ST6GAL1: variants seen among roughly 807,000 people sequenced by gnomAD.
ST6GAL1 encodes the protein ST6 beta-galactoside alpha-2,6-sialyltransferase 1.
A neutral mutation model predicts 38.0 loss-of-function variants in ST6GAL1; 20 were observed. The observed-to-expected ratio is 0.53, with a 90% confidence interval of 0.37 to 0.77. The LOEUF (loss-of-function observed/expected upper bound fraction) is 0.77, where lower values mean the gene tolerates loss of function less well. Among genes scored for constraint, ST6GAL1 ranks in the 30% least tolerant of loss-of-function variants. The pLI, the probability that ST6GAL1 is intolerant of heterozygous loss-of-function variation, is 0.00. For synonymous variants in ST6GAL1, 196 were observed against 188.2 expected (o/e 1.04, Z -0.34); for missense variants, 432 against 496.4 (o/e 0.87, Z 1.23).
At chr3:186,942,186 A>C (rs1315832470) in intron 1 of ST6GAL1, among the ~76,000 whole-genome samples, 3 of 152,154 alleles carry the variant, frequency 2.0e-5, no homozygotes, top group African/African-American at 7.2e-5. Context: ...AGTTATAGAC[A>C]ATGTAGTGAA....
At chr3:187,072,530 C>G (rs567804101) in intron 5 of ST6GAL1, 3 of 361,008 alleles carry the variant, frequency 8.3e-6, no homozygotes, top group South Asian at 6.8e-5. Context: ...TTGTGACCAC[C>G]ACACAAGCTG....
rs1431652163 is a variant in ST6GAL1, at chr3:187,038,746, G to A, written c.-178G>A. The A allele has an allele frequency of 6.6e-6, 1 of 152,228 alleles. No individual in the cohort carries two copies. The highest frequency in any genetic ancestry group is 2.4e-5 in the African/African-American group (1 of 41,444). 9.4% of individuals were successfully genotyped at this position (152,228 alleles called of 1,614,324 possible). A position where few individuals can be genotyped will look rare whatever the true frequency, so the allele number is the denominator to read the frequency against. ...TCTTATTTTTTGCCTTTGCAGATGA[G>A]TTTTGATCATCCTGAGAAAAATGGG... On this transcript the variant is annotated 5_prime_UTR_variant, in exon 3 of 8. Transcript: ENST00000169298.
At chr3:187,051,689 A>G in intron 5 of ST6GAL1, 1 of 276,820 alleles carries the variant, frequency 3.6e-6, no homozygotes, top group Non-Finnish European at 7.2e-6. Context: ...AGTGTTGTGA[A>G]AAGTGAATGA....
intron 2 of ST6GAL1, among the ~76,000 whole-genome samples, chr3:187,030,952 C>T (rs1560168996): frequency 1.3e-5 from 2 of 152,090 alleles, no homozygotes; most frequent in Admixed American, 1.3e-4. Flanking sequence ...GAGGGAGTGG[C>T]TGTAGCAATT....
intron 4 of ST6GAL1, among the ~76,000 whole-genome samples, chr3:187,046,804 C>A (rs1383617404): frequency 6.6e-6 from 1 of 152,164 alleles, no homozygotes; most frequent in Non-Finnish European, 1.5e-5. Flanking sequence ...CTTTGAGGGC[C>A]ATGATGTCTG....
rs763013682 is a variant in ST6GAL1, at chr3:187,067,081, C to CTTTTTTT, written c.706-5748_706-5742dup. Among the ~76,000 whole-genome samples, 86 of 93,060 alleles carry CTTTTTTT rather than the reference C, an allele frequency of 9.2e-4. 6 individuals are homozygous for CTTTTTTT. The highest frequency in any genetic ancestry group is 2.6e-3 in the South Asian group (6 of 2,326). 61.1% of individuals were successfully genotyped at this position (93,060 alleles called of 152,430 possible). On this transcript the variant is annotated intron_variant, in intron 5 of 7. Coordinates refer to ENST00000169298, the MANE Select transcript of ST6GAL1 (RefSeq NM_173216.2). ...GCAATCTTCTTTTCTTTCTTTCTTTCTTTTTTTTTTTTTTTTTTTTTTTTT... is the reference window on the plus strand; with the variant it reads ...GCAATCTTCTTTTCTTTCTTTCTTTCTTTTTTTTTTTTTTTTTTTTTTTTTTTTTTTT...
chr3:187,005,521 C>T (rs1340358621), intron 2 of ST6GAL1, among the ~76,000 whole-genome samples: 10 of 151,934 alleles, frequency 6.6e-5, no homozygotes, highest in South Asian at 2.1e-4. Flanking sequence ...GTGATCTGCC[C>T]GCCTCGGCCT....
rs117081013 is a variant in ST6GAL1 at position 187,022,199 on chromosome 3, T to C, written c.-182-16543T>C. Among the ~76,000 whole-genome samples the C allele has an allele frequency of 4.3e-3, 660 of 152,258 alleles. 17 individuals are homozygous for C. In the East Asian group the frequency reaches 0.064, roughly 15 times the overall value. ...TCTGACACTATTTCCAGGTAGATAGTGTTGGAACTGAATTAGAGGACACCA... is the reference window on the plus strand; with the variant it reads ...TCTGACACTATTTCCAGGTAGATAGCGTTGGAACTGAATTAGAGGACACCA... On this transcript the variant is annotated intron_variant, in intron 2 of 7. Transcript: ENST00000169298.
At chr3:187,048,529 C>T (rs1718386144) in intron 4 of ST6GAL1, among the ~76,000 whole-genome samples, 1 of 152,158 alleles carries the variant, frequency 6.6e-6, no homozygotes, top group Non-Finnish European at 1.5e-5. Context: ...GTGTCTCTGG[C>T]ACACAGCTCA....
rs542069579 is a variant in ST6GAL1, at chr3:186,944,909, C to A, written c.-325+14075C>A. On this transcript the variant is annotated intron_variant, in intron 1 of 7. Transcript: ENST00000169298. Reference sequence around the variant, plus strand: ...AAGTCTCCAGCTGAGAGGCCATATGCCTTCTTAAAACTCAGTTTTGGGGAA... The same window carrying A: ...AAGTCTCCAGCTGAGAGGCCATATGACTTCTTAAAACTCAGTTTTGGGGAA... Among the ~76,000 whole-genome samples, 4 of 152,300 alleles carry A rather than the reference C, an allele frequency of 2.6e-5. No individual in the cohort carries two copies. In the East Asian group the frequency reaches 7.7e-4, roughly 29 times the overall value.
chr3:186,930,941 G>C (rs918206884), intron 1 of ST6GAL1, 107 bp downstream of exon 1: 1 of 153,210 alleles, frequency 6.5e-6, no homozygotes, highest in African/African-American at 2.4e-5. Flanking sequence ...CGCGGCGCGC[G>C]TAGGGCGCAG....
intron 2 of ST6GAL1, among the ~76,000 whole-genome samples, chr3:186,990,922 G>A (rs1237816058): frequency 6.6e-6 from 1 of 151,964 alleles, no homozygotes; most frequent in Admixed American, 6.6e-5. Flanking sequence ...ATGCTTGTCC[G>A]CCTCCCCACC....
In ST6GAL1 at chr3:187,076,470, C is replaced by G. The variant is rs1412589522; in HGVS notation, c.*667C>G. 5.3e-6 allele frequency: 1 copy of G among 188,726 alleles called. No homozygotes were observed. Among genetic ancestry groups the G allele is most frequent in the African/African-American group, 2.3e-5 (1 of 42,776 alleles). 11.7% of individuals were successfully genotyped at this position (188,726 alleles called of 1,614,324 possible). On this transcript the variant is annotated 3_prime_UTR_variant, in exon 8 of 8. Coordinates refer to ENST00000169298, the MANE Select transcript of ST6GAL1 (RefSeq NM_173216.2). ...TGGAAGGTAGAGAAGGATACAGTGT[C>G]TATCCTCAAGTTGCTACGGTTCAGT...
chr3:187,063,954 A>C (rs1719008328), intron 5 of ST6GAL1, among the ~76,000 whole-genome samples: 1 of 152,124 alleles, frequency 6.6e-6, no homozygotes, highest in African/African-American at 2.4e-5. Context: ...GGAGCATGTC[A>C]CCCAGAGGCT....
intron 2 of ST6GAL1, among the ~76,000 whole-genome samples, chr3:186,987,267 A>C (rs556272962): frequency 6.6e-6 from 1 of 152,084 alleles, no homozygotes; most frequent in South Asian, 2.1e-4. Flanking sequence ...AAGAAAGAAG[A>C]AAGAAAAGCC....
chr3:186,941,656 C>G (rs945216678), intron 1 of ST6GAL1, among the ~76,000 whole-genome samples: 5 of 151,852 alleles, frequency 3.3e-5, no homozygotes, highest in African/African-American at 1.2e-4. Context: ...ACGGAGCTAC[C>G]CAACAATGGA....
At chr3:187,047,257 T>G (rs1185056301) in intron 4 of ST6GAL1, among the ~76,000 whole-genome samples, 1 of 151,928 alleles carries the variant, frequency 6.6e-6, no homozygotes, top group Non-Finnish European at 1.5e-5. Flanking sequence ...GTCATAGTTT[T>G]TTTTTTTTTT....
intron 2 of ST6GAL1, among the ~76,000 whole-genome samples, chr3:187,033,672 C>A (rs1717832141): frequency 6.6e-6 from 1 of 152,148 alleles, no homozygotes; most frequent in African/African-American, 2.4e-5. Context: ...CTATACCATG[C>A]TTTTCTTATT....
At chr3:186,975,246 A>G (rs150102148) in intron 2 of ST6GAL1, among the ~76,000 whole-genome samples, 95 of 152,234 alleles carry the variant, frequency 6.2e-4, no homozygotes, top group African/African-American at 2.2e-3. Context: ...TGTATACTAG[A>G]CTGAGAGGCA....
Sources: gnomAD v4.1 joint callset for allele counts (sites outside exome capture counted in the v4.1 genomes callset) on GRCh38, gnomAD v4.1.1 for gene constraint, MANE v1.5 for transcripts, NCBI Gene and HGNC (gene_info 2026-07-23, HGNC 2026-07-21) for gene names.